MS4A6A: variants seen among roughly 807,000 people sequenced by gnomAD.
MS4A6A encodes the protein membrane spanning 4-domains A6A.
In MS4A6A, 19 loss-of-function variants were observed where a neutral mutation model predicts 20.6. The ratio of observed to expected loss-of-function variants is 0.92; its 90% CI spans 0.64 to 1.36. The LOEUF (loss-of-function observed/expected upper bound fraction) is 1.36. Ranked by LOEUF, MS4A6A falls within the 40% of genes most tolerant of loss-of-function variation. MS4A6A has a pLI of 0.00. For synonymous variants in MS4A6A, 108 were observed against 105.0 expected, an observed-to-expected ratio of 1.03 and a Z score of -0.17; for missense variants, 272 against 261.1, an observed-to-expected ratio of 1.04 and a Z score of -0.29.
intron 4 of MS4A6A, chr11:60,177,966 A>G (rs1348615000): frequency 3.0e-6 from 1 of 334,100 alleles, no homozygotes. Context: ...AAGGCCAGTT[A>G]TCACCGAAAG....
chr11:60,182,013 TCACA>T (rs1161431525), intron 1 of MS4A6A, among the ~76,000 whole-genome samples: 1 of 152,176 alleles, frequency 6.6e-6, no homozygotes, highest in African/African-American at 2.4e-5. Context: ...AGGCAAATGG[TCACA>T]CAAAATTTGC....
chr11:60,184,153 T>C (rs1275435005), upstream of MS4A6A: 1 of 152,232 alleles, frequency 6.6e-6, no homozygotes, highest in Non-Finnish European at 1.5e-5. Flanking sequence ...AGAAAGGAGT[T>C]AAGAAGCACC....
chr11:60,172,361 A>G (rs928925956), downstream of MS4A6A: 2 of 1,496,102 alleles, frequency 1.3e-6, no homozygotes, highest in African/African-American at 2.8e-5. Flanking sequence ...CTAATCCAAG[A>G]TAAGTAGAGC....
chr11:60,183,227 G>T (rs753008662), upstream of MS4A6A: 39 of 1,517,778 alleles, frequency 2.6e-5, 1 homozygote, highest in South Asian at 4.4e-4. Context: ...ACTAATATTT[G>T]TGAGAGTTCA....
chr11:60,181,436 T>C, intron 2 of MS4A6A, 145 bp downstream of exon 2: 2 of 904,854 alleles, frequency 2.2e-6, no homozygotes, highest in Non-Finnish European at 3.3e-6. Flanking sequence ...TCTGGGACAG[T>C]TTTCTCCAAG....
At chr11:60,179,703 C>A (rs781760375) in intron 3 of MS4A6A, 128 bp downstream of exon 3, 5 of 1,070,948 alleles carry the variant, frequency 4.7e-6, no homozygotes, top group Non-Finnish European at 1.4e-6. Flanking sequence ...GACAGGAGAA[C>A]AAGATTCACC....
Position 60,178,255 on chromosome 11 carries a change from C to G in MS4A6A, c.339+5G>C. 6.2e-7 allele frequency: 1 copy of G among 1,610,784 alleles called. No individual in the cohort carries two copies. Among genetic ancestry groups the G allele is most frequent in the South Asian group, 1.1e-5 (1 of 90,952 alleles). On this transcript the variant is annotated splice_donor_5th_base_variant and intron_variant, in intron 4 of 5. Transcript: ENST00000528851. Reference sequence around the variant, plus strand: ...TGGGTTGTGGGTTATAGCTCTCTTACTCACCAAAAGCTTGGTTAACCTTTT... The same window carrying G: ...TGGGTTGTGGGTTATAGCTCTCTTAGTCACCAAAAGCTTGGTTAACCTTTT...
chr11:60,183,591 A>G (rs2083843564), upstream of MS4A6A: 1 of 154,956 alleles, frequency 6.5e-6, no homozygotes, highest in Admixed American at 6.5e-5. Context: ...GAACATAAAA[A>G]AACTTTTAAA....
intron 2 of MS4A6A, chr11:60,181,188 C>T (rs1165896333): frequency 2.6e-6 from 1 of 382,038 alleles, no homozygotes; most frequent in African/African-American, 2.1e-5. Flanking sequence ...TGTATATTTC[C>T]TCTAATTTGC....
chr11:60,181,578 T>C lies in MS4A6A; in HGVS notation c.147+3A>G. 1 of 1,614,032 alleles carries C rather than the reference T, an allele frequency of 6.2e-7. No individual in the cohort carries two copies. Among genetic ancestry groups the C allele is most frequent in the Non-Finnish European group, 8.5e-7 (1 of 1,179,928 alleles). On this transcript the variant is annotated splice_donor_region_variant and intron_variant, in intron 2 of 5. Coordinates refer to ENST00000528851, the MANE Select transcript of MS4A6A (RefSeq NM_022349.4). Reference sequence around the variant, plus strand: ...TCTCCAACACGTTCTGAATTAGATTTACCCCAATAACTTTGATTTCTGCGT... The same window carrying C: ...TCTCCAACACGTTCTGAATTAGATTCACCCCAATAACTTTGATTTCTGCGT...
downstream of MS4A6A, chr11:60,171,956 T>C (rs376646554): frequency 2.2e-6 from 1 of 458,020 alleles, no homozygotes; most frequent in Non-Finnish European, 3.8e-6. Context: ...AGCCCCGTGC[T>C]TTTGCTGAAG....
At chr11:60,181,834 T>A in intron 1 of MS4A6A, 93 bp from the exon 2 acceptor site, 1 of 1,266,794 alleles carries the variant, frequency 7.9e-7, no homozygotes. Context: ...CCAATTAGTC[T>A]AGGCTTGGCC....
Position 60,181,633 on chromosome 11 carries a change from T to G in MS4A6A, c.95A>C (p.Gln32Pro), listed in dbSNP as rs201119654. 178 of 1,613,842 alleles carry G rather than the reference T, an allele frequency of 1.1e-4. No individual in the cohort carries two copies. The highest frequency in any genetic ancestry group is 4.1e-4 in the South Asian group (37 of 91,070). Residue 32 changes from glutamine (Q) to proline (P), a missense_variant, in exon 2 of 6, where the codon CAG (glutamine) becomes CCG (proline). Coordinates refer to ENST00000528851, the MANE Select transcript of MS4A6A (RefSeq NM_022349.4). ...SQAEKPEPTN[Q>P]GQDSLKKHLH... ...ATGTTTCTTCAGGCTATCCTGCCCC[T>G]GGTTGGTGGGTTCGGGTTTCTCTGC... is the stretch of plus-strand genomic sequence containing the variant.
chr11:60,180,619 T>C (rs1188624006), intron 2 of MS4A6A: 1 of 165,648 alleles, frequency 6.0e-6, no homozygotes, highest in Admixed American at 5.9e-5. Flanking sequence ...ATCCATTAGT[T>C]ATTTTTCCTG....
At chr11:60,173,491 C>A (rs1856687057) in intron 5 of MS4A6A, among the ~76,000 whole-genome samples, 1 of 152,202 alleles carries the variant, frequency 6.6e-6, no homozygotes, top group Non-Finnish European at 1.5e-5. Context: ...TCCAGTCTCA[C>A]CTTTACTGCT....
downstream of MS4A6A, chr11:60,172,110 A>G (rs922930139): frequency 3.8e-6 from 6 of 1,570,162 alleles, no homozygotes; most frequent in Non-Finnish European, 5.2e-6. Flanking sequence ...TAACTTTTCC[A>G]TATTATCATA....
At chr11:60,179,507 A>G in intron 3 of MS4A6A, 2 of 575,838 alleles carry the variant, frequency 3.5e-6, no homozygotes, top group Non-Finnish European at 6.1e-6. Flanking sequence ...TTTTTTGTAT[A>G]AAATGTTCCT....
downstream of MS4A6A, chr11:60,172,362 T>C (rs1047400105): frequency 5.4e-6 from 8 of 1,489,194 alleles, no homozygotes; most frequent in African/African-American, 5.6e-5. Flanking sequence ...TAATCCAAGA[T>C]AAGTAGAGCA....
chr11:60,179,694 AC>A (rs1158036093), intron 3 of MS4A6A, 136 bp downstream of exon 3: 1 of 964,488 alleles, frequency 1.0e-6, no homozygotes, highest in East Asian at 2.4e-5. Context: ...ATCCTACCCG[AC>A]AGGAGAACAA....
Sources: gnomAD v4.1 joint callset for allele counts (sites outside exome capture counted in the v4.1 genomes callset) on GRCh38, gnomAD v4.1.1 for gene constraint, MANE v1.5 for transcripts, NCBI Gene and HGNC (gene_info 2026-07-23, HGNC 2026-07-21) for gene names.